Variants in NALF1 observed in about 807,000 individuals in gnomAD.
NALF1 encodes the protein family with sequence similarity 155 member A.
NALF1 carries 3 observed loss-of-function variants against 48.4 expected under a neutral mutation model. That is an observed-to-expected ratio of 0.06 (90% confidence interval 0.03 to 0.16). The LOEUF (loss-of-function observed/expected upper bound fraction) is 0.16, where lower values mean the gene tolerates loss of function less well. NALF1 is among the 10% of genes least tolerant of loss of function. NALF1 has a pLI of 1.00. For missense variants in NALF1, 526 were observed against 571.5 expected, an observed-to-expected ratio of 0.92 and a Z score of 0.81; for synonymous variants, 262 against 245.7, an observed-to-expected ratio of 1.07 and a Z score of -0.62.
At chr13:107,176,319 T>TAG (rs773696095) in intron 2 of NALF1, among the ~76,000 whole-genome samples, 52,130 of 112,084 alleles carry the variant, frequency 0.47, 8,870 homozygotes, top group South Asian at 0.49. Context: ...CCTCACAGTT[T>TAG]TTTTTTTTTT....
At chr13:107,227,919 C>T (rs569609509) in intron 1 of NALF1, among the ~76,000 whole-genome samples, 34 of 152,054 alleles carry the variant, frequency 2.2e-4, no homozygotes, top group African/African-American at 8.0e-4. Flanking sequence ...ATAATAAAGT[C>T]GGCAAAGAGC....
chr13:107,645,086 T>C (rs1203923156), intron 1 of NALF1, among the ~76,000 whole-genome samples: 2 of 152,148 alleles, frequency 1.3e-5, no homozygotes, highest in East Asian at 3.9e-4. Flanking sequence ...CTATTATAAA[T>C]AATGCTGCTA....
intron 1 of NALF1, among the ~76,000 whole-genome samples, chr13:107,797,134 T>C (rs1878449298): frequency 6.6e-6 from 1 of 152,204 alleles, no homozygotes; most frequent in Non-Finnish European, 1.5e-5. Context: ...CTCCCTTGAC[T>C]CTGACAGGTG....
chr13:107,362,278 C>T lies in NALF1; in HGVS notation c.916-151523G>A, dbSNP rs561019501. On this transcript the variant is annotated intron_variant, in intron 1 of 2. Transcript: ENST00000375915. This position sits in a 1 kb window ranked among gnomAD's most constrained non-coding sequence, Gnocchi z 4.6. Reference sequence around the variant, plus strand: ...GAATAGTTGTATTCATTTTCTAGGGCGTGCTGTAACAAACTATGATCAACT... The same window carrying T: ...GAATAGTTGTATTCATTTTCTAGGGTGTGCTGTAACAAACTATGATCAACT... Among the ~76,000 whole-genome samples the T allele has an allele frequency of 7.3e-4, 111 of 152,182 alleles. No homozygotes were observed. Among genetic ancestry groups the T allele is most frequent in the East Asian group, 2.3e-3 (12 of 5,160 alleles).
chr13:107,484,369 G>C (rs970315004), intron 1 of NALF1, among the ~76,000 whole-genome samples: 1 of 152,078 alleles, frequency 6.6e-6, no homozygotes, highest in East Asian at 1.9e-4. Context: ...TCAATCATGA[G>C]AACATATTAG....
At chr13:107,657,941 A>C (rs931521237) in intron 1 of NALF1, among the ~76,000 whole-genome samples, 1 of 152,132 alleles carries the variant, frequency 6.6e-6, no homozygotes, top group African/African-American at 2.4e-5. Context: ...GTTTTTGTTG[A>C]ACTAAAAAAG....
chr13:107,447,067 GTGTT>G (rs914824078), intron 1 of NALF1, among the ~76,000 whole-genome samples: 9 of 152,132 alleles, frequency 5.9e-5, no homozygotes, highest in African/African-American at 2.2e-4. Flanking sequence ...ATTTGAAAAA[GTGTT>G]TGTTCAGCCC....
chr13:107,398,102 T>G (rs1883742598), intron 1 of NALF1, among the ~76,000 whole-genome samples: 1 of 152,136 alleles, frequency 6.6e-6, no homozygotes, highest in Non-Finnish European at 1.5e-5. Flanking sequence ...TTGGGCATTT[T>G]TTTCTCCACA....
intron 1 of NALF1, among the ~76,000 whole-genome samples, chr13:107,825,941 C>A (rs989596732): frequency 6.6e-6 from 1 of 151,238 alleles, no homozygotes; most frequent in Admixed American, 6.6e-5. Context: ...CCACTGCGCC[C>A]AGCTAATTTC....
intron 1 of NALF1, among the ~76,000 whole-genome samples, chr13:107,708,825 C>A (rs1172103349): frequency 6.6e-6 from 1 of 152,122 alleles, no homozygotes; most frequent in Admixed American, 6.6e-5. Flanking sequence ...CACAGATCAA[C>A]CCATCACCTA....
intron 1 of NALF1, among the ~76,000 whole-genome samples, chr13:107,543,946 T>G (rs1877066622): frequency 6.6e-6 from 1 of 152,108 alleles, no homozygotes; most frequent in Non-Finnish European, 1.5e-5. Context: ...CTATGGTTGA[T>G]AAAATATTTT....
chr13:107,742,220 A>G (rs1355819686), intron 1 of NALF1, among the ~76,000 whole-genome samples: 1 of 152,172 alleles, frequency 6.6e-6, no homozygotes, highest in Non-Finnish European at 1.5e-5. Context: ...CACCCCGGCT[A>G]TTCATGTGCT....
At chr13:107,633,390 A>C (rs1594173011) in intron 1 of NALF1, among the ~76,000 whole-genome samples, 1 of 152,090 alleles carries the variant, frequency 6.6e-6, no homozygotes, top group East Asian at 1.9e-4. Flanking sequence ...CAAGACAAGG[A>C]ATAACTAGAA....
intron 1 of NALF1, among the ~76,000 whole-genome samples, chr13:107,696,281 C>A (rs1881699033): frequency 1.3e-5 from 2 of 152,180 alleles, no homozygotes; most frequent in African/African-American, 2.4e-5. Context: ...CTAAAGATTG[C>A]CTCTGGTAAA....
At chr13:107,444,048 G>A (rs981138765) in intron 1 of NALF1, among the ~76,000 whole-genome samples, 2 of 151,882 alleles carry the variant, frequency 1.3e-5, no homozygotes, top group African/African-American at 2.4e-5. Context: ...ACTTTGATAT[G>A]TCTAAGACAA....
intron 1 of NALF1, among the ~76,000 whole-genome samples, chr13:107,392,928 T>C (rs536377319): frequency 2.6e-5 from 4 of 152,152 alleles, no homozygotes; most frequent in African/African-American, 7.2e-5. Flanking sequence ...TATTCTGAGA[T>C]TGCAAGAAGG....
In NALF1 at chr13:107,443,690, A is replaced by G. The variant is rs548497557; in HGVS notation, c.916-232935T>C. 2.0e-5 allele frequency among the ~76,000 whole-genome samples: 3 copies of G among 152,308 alleles called. No homozygotes were observed. The East Asian group carries it at 5.8e-4, about 29-fold the overall frequency. On this transcript the variant is annotated intron_variant, in intron 1 of 2. Transcript: ENST00000375915. ...ACTTGCAAATGGGTGTGTTTAGAAAAGGTAATCCCAGTCTAGTTGTGATTA... is the reference window on the plus strand; with the variant it reads ...ACTTGCAAATGGGTGTGTTTAGAAAGGGTAATCCCAGTCTAGTTGTGATTA...
At chr13:107,451,753 C>A (rs1322688864) in intron 1 of NALF1, among the ~76,000 whole-genome samples, 1 of 152,122 alleles carries the variant, frequency 6.6e-6, no homozygotes, top group Non-Finnish European at 1.5e-5. Context: ...TCGCTCTATC[C>A]AATTTTGCAC....
At chr13:107,514,275 T>A (rs940314867) in intron 1 of NALF1, among the ~76,000 whole-genome samples, 1 of 152,198 alleles carries the variant, frequency 6.6e-6, no homozygotes, top group Admixed American at 6.5e-5. Flanking sequence ...TAAGAACTTA[T>A]GGAAGCTGAG....
Sources: gnomAD v4.1 joint callset for allele counts (sites outside exome capture counted in the v4.1 genomes callset) on GRCh38, gnomAD v4.1.1 for gene constraint, Gnocchi (gnomAD v3.1) non-coding constraint, MANE v1.5 for transcripts, NCBI Gene and HGNC (gene_info 2026-07-23, HGNC 2026-07-21) for gene names.